Variants in RXRG observed in about 807,000 individuals in gnomAD.
RXRG encodes retinoic acid receptor RXR-gamma.
Under a neutral mutation model 49.2 loss-of-function variants are expected in RXRG, and 19 were observed. That is an observed-to-expected ratio of 0.39 (90% CI 0.27 to 0.57). The LOEUF is 0.57. Ranked by LOEUF, RXRG falls within the 20% of genes least tolerant of loss-of-function variation. The probability of loss-of-function intolerance (pLI) is 0.64; values close to 1 mark genes in which losing one functional copy is unlikely to be tolerated. For missense variants in RXRG, 452 were observed against 592.5 expected (o/e 0.76, Z 2.46); for synonymous variants, 224 against 216.6 (o/e 1.03, Z -0.30).
chr1:165,410,970 A>G lies in RXRG; in HGVS notation c.762T>C (p.Gly254=). Residue 254 remains glycine (G), a synonymous_variant, in exon 5 of 10, where the codon GGT becomes GGC. Coordinates refer to ENST00000359842, the MANE Select transcript of RXRG (RefSeq NM_006917.5). The part of the protein sequence containing the change: ...LAVEPKTESY[G]DMNMENSTND... The stretch of plus-strand genomic sequence containing the variant: ...ATACCGAGTTCTCCATATTCATGTC[A>G]CCATAGGATTCTGTCTTTGGTTCAA... 1.2e-6 allele frequency: 2 copies of G among 1,614,126 alleles called. No individual in the cohort carries two copies. The highest frequency in any genetic ancestry group is 1.1e-5 in the South Asian group (1 of 91,076).
intron 9 of RXRG, 89 bp downstream of exon 9, chr1:165,406,722 TA>T: frequency 1.1e-6 from 1 of 928,908 alleles, no homozygotes; most frequent in Non-Finnish European, 1.7e-6. Context: ...TAAAAACACC[TA>T]AACAGTGCCT....
At chr1:165,426,265 T>A (rs1472096887) in intron 2 of RXRG, among the ~76,000 whole-genome samples, 1 of 152,192 alleles carries the variant, frequency 6.6e-6, no homozygotes, top group Admixed American at 6.5e-5. Flanking sequence ...GGGTGAAGAT[T>A]ACTGGCCAAA....
intron 3 of RXRG, among the ~76,000 whole-genome samples, chr1:165,419,050 C>A (rs1255812204): frequency 2.0e-5 from 3 of 152,058 alleles, no homozygotes; most frequent in Non-Finnish European, 4.4e-5. Flanking sequence ...TATTATTGTT[C>A]TTCAAATAAT....
chr1:165,402,167 C>T (rs553450734), intron 9 of RXRG, among the ~76,000 whole-genome samples: 1 of 152,260 alleles, frequency 6.6e-6, no homozygotes, highest in East Asian at 1.9e-4. Flanking sequence ...TCACTGCAAC[C>T]TCTGCCTTCC....
intron 2 of RXRG, among the ~76,000 whole-genome samples, chr1:165,420,546 G>A (rs1484702710): frequency 6.6e-6 from 1 of 152,164 alleles, no homozygotes; most frequent in African/African-American, 2.4e-5. Flanking sequence ...CAAAGGCAAA[G>A]AAAAATACAC....
intron 2 of RXRG, among the ~76,000 whole-genome samples, chr1:165,421,474 A>G (rs1177456026): frequency 6.6e-6 from 1 of 150,898 alleles, no homozygotes; most frequent in East Asian, 1.9e-4. Context: ...GACCTCATCC[A>G]TGTCTTGAGA....
chr1:165,435,780 A>G (rs1237530100), intron 1 of RXRG, among the ~76,000 whole-genome samples: 2 of 152,174 alleles, frequency 1.3e-5, no homozygotes, highest in African/African-American at 4.8e-5. Flanking sequence ...GTGGACCTCA[A>G]TTTATTTTAA....
At chr1:165,425,885 A>G (rs544183575) in intron 2 of RXRG, among the ~76,000 whole-genome samples, 2 of 152,360 alleles carry the variant, frequency 1.3e-5, no homozygotes, top group African/African-American at 4.8e-5. Flanking sequence ...CTGATTATCC[A>G]TCTTTTAATC....
chr1:165,409,740 T>A (rs781157002), intron 6 of RXRG, 50 bp from the exon 7 acceptor site: 2 of 1,392,224 alleles, frequency 1.4e-6, no homozygotes, highest in South Asian at 3.8e-5. Flanking sequence ...ACATTCTTTC[T>A]TTACTTATAA....
chr1:165,443,657 A>G (rs1312695004), intron 1 of RXRG, among the ~76,000 whole-genome samples: 5 of 152,148 alleles, frequency 3.3e-5, no homozygotes, highest in Admixed American at 3.3e-4. Context: ...AGTGCCCAAC[A>G]CCATGCCTGC....
chr1:165,432,217 GA>G (rs1658693428), intron 1 of RXRG, among the ~76,000 whole-genome samples: 1 of 152,186 alleles, frequency 6.6e-6, no homozygotes, highest in African/African-American at 2.4e-5. Flanking sequence ...GCAGTGGTGA[GA>G]ATGGTACATT....
At chr1:165,435,219 A>T (rs1658787731) in intron 1 of RXRG, among the ~76,000 whole-genome samples, 2 of 152,220 alleles carry the variant, frequency 1.3e-5, no homozygotes, top group Non-Finnish European at 2.9e-5. Flanking sequence ...CTTGATTCAC[A>T]AGCATTTCCA....
intron 6 of RXRG, 139 bp from the exon 7 acceptor site, chr1:165,409,829 T>C: frequency 1.3e-6 from 1 of 788,160 alleles, no homozygotes; most frequent in East Asian, 3.4e-5. Context: ...TAGTTCAAGA[T>C]GACACAGTTC....
At chr1:165,407,270 G>A (rs959535824) in intron 8 of RXRG, among the ~76,000 whole-genome samples, 4 of 152,206 alleles carry the variant, frequency 2.6e-5, no homozygotes, top group Non-Finnish European at 4.4e-5. Context: ...GGGCACGAAA[G>A]CTGAATTGGC....
intron 3 of RXRG, 76 bp from the exon 4 acceptor site, chr1:165,417,296 C>A: frequency 1.4e-6 from 2 of 1,379,326 alleles, no homozygotes; most frequent in South Asian, 1.4e-5. Flanking sequence ...AACCTCTTGG[C>A]TCTTCCCCCA....
chr1:165,401,787 T>A (rs79926344), intron 9 of RXRG, among the ~76,000 whole-genome samples: 1 of 152,360 alleles, frequency 6.6e-6, no homozygotes, highest in African/African-American at 2.4e-5. Context: ...ACAGATCTGC[T>A]GAGGCACTTA....
At chr1:165,422,832 A>C (rs906992685) in intron 2 of RXRG, among the ~76,000 whole-genome samples, 1 of 152,218 alleles carries the variant, frequency 6.6e-6, no homozygotes, top group Admixed American at 6.5e-5. Flanking sequence ...ATACCAGGTT[A>C]GGTACCTTAC....
At chr1:165,416,790 C>T (rs1054215993) in intron 4 of RXRG, among the ~76,000 whole-genome samples, 25 of 152,178 alleles carry the variant, frequency 1.6e-4, no homozygotes, top group African/African-American at 6.0e-4. Flanking sequence ...GAGGAAGATG[C>T]CTCTTGCCCT....
chr1:165,409,697 G>A lies in RXRG; in HGVS notation c.914-7C>T, dbSNP rs369264853. The A allele has an allele frequency of 9.4e-6, 14 of 1,485,600 alleles. No homozygotes were observed. Among genetic ancestry groups the A allele is most frequent in the East Asian group, 5.1e-5 (2 of 39,574 alleles). The allele number at this position is 1,485,600 out of a possible 1,614,324, so 92.0% of individuals were successfully genotyped here. ...ATCAGCAATTCATTCCACCCTGCAA[G>A]GATAAGGAGGAGGTCTTGAGGGAAA... On this transcript the variant is annotated splice_region_variant and splice_polypyrimidine_tract_variant and intron_variant, in intron 6 of 9. Transcript: ENST00000359842.
Sources: gnomAD v4.1 joint callset for allele counts (sites outside exome capture counted in the v4.1 genomes callset) on GRCh38, gnomAD v4.1.1 for gene constraint, MANE v1.5 for transcripts, NCBI Gene and HGNC (gene_info 2026-07-23, HGNC 2026-07-21) for gene names.